COL4A6: variants seen among roughly 807,000 people sequenced by gnomAD.
COL4A6 encodes collagen type IV alpha 6 chain.
COL4A6 carries 59 observed loss-of-function variants against 126.7 expected under a neutral mutation model. The observed-to-expected ratio is 0.47, with a 90% CI of 0.38 to 0.58. COL4A6 has a LOEUF of 0.58. Ranked by LOEUF, COL4A6 falls within the 20% of genes least tolerant of loss-of-function variation. COL4A6 has a pLI of 0.00. For synonymous variants in COL4A6, 547 were observed against 496.6 expected, an observed-to-expected ratio of 1.10 and a Z score of -1.35; for missense variants, 1,285 against 1,337.3, an observed-to-expected ratio of 0.96 and a Z score of 0.61.
intron 2 of COL4A6, among the ~76,000 whole-genome samples, chrX:108,323,980 A>G (rs1364603456): frequency 8.9e-6 from 1 of 112,606 alleles, no homozygotes; most frequent in Non-Finnish European, 1.9e-5. Flanking sequence ...CCTTAAGTAT[A>G]CAGTGAGTGT....
intron 3 of COL4A6, among the ~76,000 whole-genome samples, chrX:108,239,784 A>C (rs1351368430): frequency 8.9e-6 from 1 of 112,126 alleles, no homozygotes; most frequent in African/African-American, 3.2e-5. Context: ...CTTATTACTA[A>C]TAATAATATG....
chrX:108,438,510 T>C, upstream of COL4A6: 1 of 958,002 alleles, frequency 1.0e-6, no homozygotes, highest in Non-Finnish European at 1.3e-6. Context: ...GGGCAGCCGG[T>C]AGTCTTTCTC....
chrX:108,231,154 G>T (rs1216803733), intron 3 of COL4A6, among the ~76,000 whole-genome samples: 1 of 111,543 alleles, frequency 9.0e-6, no homozygotes, highest in Non-Finnish European at 1.9e-5. Flanking sequence ...GCAATTTTCA[G>T]GTCTGCCACA....
At chrX:108,212,648 G>A (rs1179474985) in intron 6 of COL4A6, among the ~76,000 whole-genome samples, 2 of 106,473 alleles carry the variant, frequency 1.9e-5, no homozygotes, top group African/African-American at 6.8e-5. Context: ...AGCAGAAACC[G>A]TTTTTTTTTT....
intron 3 of COL4A6, chrX:108,268,460 T>C (rs2037368630): frequency 1.8e-5 from 2 of 112,270 alleles, no homozygotes; most frequent in Non-Finnish European, 1.9e-5. Flanking sequence ...AGCTAAGACT[T>C]AGAGTTTAGA....
intron 3 of COL4A6, among the ~76,000 whole-genome samples, chrX:108,296,219 A>G (rs2038322056): frequency 8.9e-6 from 1 of 112,517 alleles, no homozygotes; most frequent in Non-Finnish European, 1.9e-5. Flanking sequence ...CTGTGAGAAA[A>G]GTGAATTTAT....
intron 7 of COL4A6, among the ~76,000 whole-genome samples, chrX:108,211,298 G>C (rs1283998611): frequency 8.9e-6 from 1 of 112,113 alleles, no homozygotes; most frequent in African/African-American, 3.2e-5. Context: ...ATGTTGAGAT[G>C]GGCAGAGACA....
At chrX:108,291,162 C>T (rs1465619122) in intron 3 of COL4A6, among the ~76,000 whole-genome samples, 2 of 111,716 alleles carry the variant, frequency 1.8e-5, no homozygotes, top group Non-Finnish European at 3.8e-5. Flanking sequence ...GCTCCAGTCA[C>T]CTCATTTCCT....
intron 2 of COL4A6, among the ~76,000 whole-genome samples, chrX:108,405,246 T>C (rs1382683777): frequency 9.1e-6 from 1 of 109,918 alleles, no homozygotes; most frequent in African/African-American, 3.3e-5. Flanking sequence ...TCCCCCAGGC[T>C]GGAATGCAGT....
At position 108,193,837 on chromosome X, in the gene COL4A6, A is replaced by G. The variant is rs573673933; in HGVS notation, c.1003-140T>C. 38 of 464,468 alleles carry G rather than the reference A, an allele frequency of 8.2e-5. No homozygotes were observed. The South Asian group carries it at 1.6e-3, about 19-fold the overall frequency. The allele number at this position is 464,468 out of a possible 1,213,427, so 38.3% of individuals were successfully genotyped here. A position where few individuals can be genotyped will look rare whatever the true frequency, so the allele number is the denominator to read the frequency against. On this transcript the variant is annotated intron_variant, in intron 16 of 44. Transcript: ENST00000334504. ...AGATTTTCAAGATCAACTAGTCCATAGGTTAATTTCAAAGTCCCATAAATT... is the reference window on the plus strand; with the variant it reads ...AGATTTTCAAGATCAACTAGTCCATGGGTTAATTTCAAAGTCCCATAAATT...
chrX:108,166,116 C>T (rs12689857), intron 37 of COL4A6, among the ~76,000 whole-genome samples: 42,578 of 111,575 alleles, frequency 0.38, 7,204 homozygotes, highest in East Asian at 0.73. Context: ...AAATCCCTCC[C>T]CCCTTTTTGG....
At chrX:108,331,277 C>A (rs2039291869) in intron 2 of COL4A6, among the ~76,000 whole-genome samples, 1 of 111,634 alleles carries the variant, frequency 9.0e-6, no homozygotes, top group East Asian at 2.8e-4. Flanking sequence ...ACACTCCTGT[C>A]ACTCAACAAC....
Position 108,214,182 on chromosome X carries a change from C to T in COL4A6, c.371G>A (p.Gly124Asp). Residue 124 changes from glycine to aspartate, a missense_variant, in exon 6 of 45, where the codon GGC becomes GAC. Physicochemically the swap from Gly to Asp is moderately conservative, Grantham distance 94. Coordinates refer to ENST00000334504, the MANE Select transcript of COL4A6 (RefSeq NM_033641.4). ...PGPRGPPGLD[G>D]CNGTQGAVGF... The stretch of plus-strand genomic sequence containing the variant: ...AACAGCTCCTTGAGTTCCATTACAG[C>T]CATCCAGACCAGGTGGGCCTCTGGG... The T allele has an allele frequency of 1.7e-6, 2 of 1,209,743 alleles. No individual in the cohort carries two copies. The highest frequency in any genetic ancestry group is 2.2e-6 in the Non-Finnish European group (2 of 894,581).
In COL4A6 at chrX:108,169,499, A is replaced by G. The variant is rs774057388; in HGVS notation, c.3687T>C (p.Asp1229=). The change falls in exon 37 of 45, where the codon GAT becomes GAC. Residue 1229 remains aspartate (D), a synonymous_variant. Transcript: ENST00000334504. ...GKPGLRGQKG[D]RGFPGLQGPA... is the part of the protein sequence containing the mutation. ...CAAGGCCTGACTTGGACTCACCTCG[A>G]TCACCTTTTTGCCCTCTCAGGCCCG... 4.0e-5 allele frequency: 48 copies of G among 1,209,760 alleles called. No homozygotes were observed. In the South Asian group the frequency reaches 5.3e-4, roughly 13 times the overall value.
intron 2 of COL4A6, among the ~76,000 whole-genome samples, chrX:108,371,292 A>C (rs980770862): frequency 2.7e-5 from 3 of 110,457 alleles, no homozygotes; most frequent in African/African-American, 6.6e-5. Context: ...TTAAAAAAGC[A>C]ATATATGAAC....
At chrX:108,297,187 G>C (rs1309629572) in intron 3 of COL4A6, among the ~76,000 whole-genome samples, 1 of 112,038 alleles carries the variant, frequency 8.9e-6, no homozygotes, top group African/African-American at 3.2e-5. Flanking sequence ...GGGAGGGTTT[G>C]ATAATACTCA....
intron 3 of COL4A6, among the ~76,000 whole-genome samples, chrX:108,247,967 C>G (rs996030163): frequency 1.8e-5 from 2 of 111,581 alleles, no homozygotes; most frequent in African/African-American, 6.5e-5. Flanking sequence ...TGTTAAGCAT[C>G]TGTGCATACA....
rs1480454737 is a variant in COL4A6 at position 108,165,539 on chromosome X, G to GCTT, written c.3692-54_3692-53insAAG. On this transcript the variant is annotated intron_variant, in intron 37 of 44. Coordinates refer to ENST00000334504, the MANE Select transcript of COL4A6 (RefSeq NM_033641.4). Reference sequence around the variant, plus strand: ...ATAGGCTCTGTGTGCCCAGAAGATGGCCAGGCTCTTTCAGAGAAAATGGAA... The same window carrying GCTT: ...ATAGGCTCTGTGTGCCCAGAAGATGGCTTCCAGGCTCTTTCAGAGAAAATGGAA... The GCTT allele has an allele frequency of 4.5e-6, 4 of 879,860 alleles. No individual in the cohort carries two copies. The African/African-American group carries it at 8.1e-5, about 18-fold the overall frequency. 72.5% of individuals were successfully genotyped at this position (879,860 alleles called of 1,213,427 possible).
chrX:108,321,290 G>A (rs1263077513), intron 2 of COL4A6, among the ~76,000 whole-genome samples: 1 of 111,661 alleles, frequency 9.0e-6, no homozygotes, highest in Non-Finnish European at 1.9e-5. Flanking sequence ...TCAGAGTGGG[G>A]ATAAGAAACC....
Sources: allele counts gnomAD v4.1 joint callset (sites outside exome capture counted in the v4.1 genomes callset), GRCh38; gene constraint gnomAD v4.1.1; transcripts MANE v1.5; gene names NCBI Gene and HGNC (gene_info 2026-07-23, HGNC 2026-07-21).